The following DISC1 variants were observed in gnomAD, a reference collection of about 807,000 sequenced individuals.
DISC1 encodes the protein DISC1 scaffold protein, also known as disrupted in schizophrenia 1 protein.
In DISC1, 57 loss-of-function variants were observed where a neutral mutation model predicts 84.5. That is an observed-to-expected ratio of 0.67 (90% confidence interval 0.55 to 0.84). The LOEUF (loss-of-function observed/expected upper bound fraction) is 0.84, where lower values mean the gene tolerates loss of function less well. Among genes scored for constraint, DISC1 ranks in the 40% least tolerant of loss-of-function variants. The pLI is 0.00. For missense variants in DISC1, 1,000 were observed against 1,057.8 expected (o/e 0.95, Z 0.76); for synonymous variants, 411 against 415.2 (o/e 0.99, Z 0.12).
At chr1:231,784,096 C>G (rs6541283) in intron 6 of DISC1, among the ~76,000 whole-genome samples, 67,373 of 151,764 alleles carry the variant, frequency 0.44, 15,171 homozygotes, top group Admixed American at 0.51. Flanking sequence ...AACCCTGTCT[C>G]TACTAAAAAT....
rs563310055 is a variant in DISC1 at position 231,696,851 on chromosome 1, C to T, written c.1047+2046C>T. 2.9e-4 allele frequency among the ~76,000 whole-genome samples: 44 copies of T among 152,312 alleles called. 1 individual carries two copies. In the South Asian group the frequency reaches 6.4e-3, roughly 22 times the overall value. ...TCCAGATTTGTGTAAGCACACTCTA[C>T]GATGTTCACACAATGATGAAGTCAC... On this transcript the variant is annotated intron_variant, in intron 2 of 12. Coordinates refer to ENST00000439617, the MANE Select transcript of DISC1 (RefSeq NM_018662.3).
At chr1:231,723,330 T>C (rs2070139960) in intron 3 of DISC1, 7 of 985,842 alleles carry the variant, frequency 7.1e-6, no homozygotes, top group Non-Finnish European at 7.2e-6. Context: ...GCAGAACATC[T>C]GGGCAGGAAG....
chr1:232,033,785 A>C (rs1282984531), intron 12 of DISC1, among the ~76,000 whole-genome samples: 4 of 152,240 alleles, frequency 2.6e-5, no homozygotes, highest in Non-Finnish European at 1.5e-5. Flanking sequence ...TTTTATAAAC[A>C]TATTGATTTA....
intron 9 of DISC1, among the ~76,000 whole-genome samples, chr1:231,863,437 G>T (rs2084828081): frequency 6.6e-6 from 1 of 151,834 alleles, no homozygotes; most frequent in Non-Finnish European, 1.5e-5. Context: ...CACCATGTTG[G>T]CCAGGCTGGT....
At chr1:231,793,239 C>T (rs2078486903) in intron 6 of DISC1, among the ~76,000 whole-genome samples, 1 of 152,148 alleles carries the variant, frequency 6.6e-6, no homozygotes, top group Non-Finnish European at 1.5e-5. Context: ...GCACACTTTC[C>T]CTTCCCCTCC....
At chr1:232,026,337 G>T (rs1669462879) in intron 11 of DISC1, 98 bp from the exon 12 acceptor site, 5 of 761,290 alleles carry the variant, frequency 6.6e-6, no homozygotes, top group Non-Finnish European at 1.1e-5. Flanking sequence ...TCTGACTGAG[G>T]TGCAGAAACT....
At chr1:231,949,089 C>T (rs1239707657) in intron 9 of DISC1, among the ~76,000 whole-genome samples, 2 of 151,952 alleles carry the variant, frequency 1.3e-5, no homozygotes, top group Non-Finnish European at 2.9e-5. Flanking sequence ...ATGATGGTCT[C>T]GATCTTCTGA....
chr1:231,883,311 CA>C (rs943501083), intron 9 of DISC1, among the ~76,000 whole-genome samples: 2 of 151,674 alleles, frequency 1.3e-5, no homozygotes, highest in South Asian at 2.1e-4. Context: ...CAGCAATGAA[CA>C]AAAAAAACCC....
rs557499089 is a variant in DISC1, at chr1:231,918,154, C to T, written c.1982-40674C>T. 1.2e-4 allele frequency among the ~76,000 whole-genome samples: 19 copies of T among 152,322 alleles called. No individual in the cohort carries two copies. In the South Asian group the frequency reaches 3.1e-3, roughly 25 times the overall value. On this transcript the variant is annotated intron_variant, in intron 9 of 12. Transcript: ENST00000439617. ...GGGACTGTGGTGTTTTAGGTTGTGC[C>T]GGCTCTTCGTCATTTTCCCTTTTCT...
chr1:231,724,503 G>A (rs1461860747), intron 3 of DISC1, among the ~76,000 whole-genome samples: 1 of 152,204 alleles, frequency 6.6e-6, no homozygotes, highest in Non-Finnish European at 1.5e-5. Context: ...GAGGGAACCA[G>A]CGTACAATAA....
intron 1 of DISC1, among the ~76,000 whole-genome samples, chr1:231,666,309 G>GAA (rs751745733): frequency 1.1e-5 from 1 of 87,246 alleles, no homozygotes; most frequent in Non-Finnish European, 2.4e-5. Flanking sequence ...TTTGTCTCAG[G>GAA]AAAAAAAAAA....
intron 9 of DISC1, among the ~76,000 whole-genome samples, chr1:231,830,765 G>C (rs2082165007): frequency 6.6e-6 from 1 of 152,184 alleles, no homozygotes; most frequent in Non-Finnish European, 1.5e-5. Context: ...AGCATTCCGA[G>C]GACAGGCCTG....
intron 9 of DISC1, among the ~76,000 whole-genome samples, chr1:231,829,684 G>A (rs187531211): frequency 6.6e-6 from 1 of 152,108 alleles, no homozygotes; most frequent in Admixed American, 6.5e-5. Flanking sequence ...ACTCACGTCC[G>A]TGTGAAGAGA....
intron 4 of DISC1, among the ~76,000 whole-genome samples, chr1:231,754,053 T>A (rs930513408): frequency 4.6e-5 from 7 of 152,226 alleles, no homozygotes; most frequent in African/African-American, 1.7e-4. Context: ...ATTTTGGTCA[T>A]AACCATTCAA....
In DISC1 at chr1:231,828,104, T is replaced by A. The variant is rs530746176; in HGVS notation, c.1981+9587T>A. 2.0e-5 allele frequency among the ~76,000 whole-genome samples: 3 copies of A among 152,320 alleles called. No individual in the cohort carries two copies. The South Asian group carries it at 6.2e-4, about 32-fold the overall frequency. ...GTTTAATTTTTGGTGTATTAACCCA[T>A]TATGAATATCTCTCTTTTCCTATGT... On this transcript the variant is annotated intron_variant, in intron 9 of 12. Coordinates refer to ENST00000439617, the MANE Select transcript of DISC1 (RefSeq NM_018662.3).
chr1:231,658,830 A>G (rs1021425794), intron 1 of DISC1, among the ~76,000 whole-genome samples: 2 of 152,208 alleles, frequency 1.3e-5, no homozygotes, highest in East Asian at 1.9e-4. Flanking sequence ...GATGAAGCCA[A>G]CTTGATTCTA....
intron 1 of DISC1, among the ~76,000 whole-genome samples, chr1:231,690,576 A>G (rs1175978539): frequency 1.3e-5 from 2 of 152,200 alleles, no homozygotes; most frequent in African/African-American, 4.8e-5. Flanking sequence ...CCTAATCCTT[A>G]TTGAACTGCA....
At chr1:231,909,887 T>A (rs2089037403) in intron 9 of DISC1, among the ~76,000 whole-genome samples, 2 of 152,270 alleles carry the variant, frequency 1.3e-5, no homozygotes, top group African/African-American at 4.8e-5. Context: ...ATTCAACTTC[T>A]TCCTGGTTTA....
intron 8 of DISC1, among the ~76,000 whole-genome samples, chr1:231,808,176 G>A (rs1282311866): frequency 1.3e-5 from 2 of 152,122 alleles, no homozygotes; most frequent in Admixed American, 6.5e-5. Flanking sequence ...AAATTCCTTC[G>A]GTCAGAATCT....
Sources: allele counts gnomAD v4.1 joint callset (sites outside exome capture counted in the v4.1 genomes callset), GRCh38; gene constraint gnomAD v4.1.1; transcripts MANE v1.5; gene names NCBI Gene and HGNC (gene_info 2026-07-23, HGNC 2026-07-21).